Variants in PPP1R12A observed in about 807,000 individuals in gnomAD.
The protein encoded by PPP1R12A is myosin binding subunit.
A neutral mutation model predicts 139.6 loss-of-function variants in PPP1R12A; 19 were observed. That is an observed-to-expected ratio of 0.14 (90% CI 0.09 to 0.20). PPP1R12A has a LOEUF of 0.20. Among genes scored for constraint, PPP1R12A ranks in the 10% least tolerant of loss-of-function variants. The pLI is 1.00. For synonymous variants in PPP1R12A, 427 were observed against 420.6 expected (o/e 1.02, Z -0.19); for missense variants, 925 against 1,211.5 (o/e 0.76, Z 3.51).
intron 8 of PPP1R12A, 79 bp from the exon 9 acceptor site, chr12:79,817,597 C>T: frequency 1.5e-6 from 2 of 1,357,868 alleles, no homozygotes; most frequent in South Asian, 1.4e-5. Context: ...ATTTTATATT[C>T]CATTTTTGTT....
At chr12:79,928,761 T>C (rs1428970877) in intron 1 of PPP1R12A, among the ~76,000 whole-genome samples, 2 of 152,194 alleles carry the variant, frequency 1.3e-5, no homozygotes, top group Non-Finnish European at 2.9e-5. Flanking sequence ...CCAGTCTCTT[T>C]TACACTTCAC....
chr12:79,884,690 T>C lies in PPP1R12A; in HGVS notation c.238-11752A>G, dbSNP rs114733061. ...AGAAGCAGAACGGCTCAAATACACT[T>C]TCAAAATCTTATCTGACATGGTTTA... On this transcript the variant is annotated intron_variant, in intron 1 of 24. Transcript: ENST00000450142. Among the ~76,000 whole-genome samples the C allele has an allele frequency of 5.8e-3, 886 of 152,242 alleles. 9 individuals carry two copies. Among genetic ancestry groups the C allele is most frequent in the African/African-American group, 0.02 (851 of 41,534 alleles).
chr12:79,925,445 A>T (rs906517181), intron 1 of PPP1R12A, among the ~76,000 whole-genome samples: 7 of 152,210 alleles, frequency 4.6e-5, no homozygotes, highest in Admixed American at 2.6e-4. Flanking sequence ...ATGTTAAACT[A>T]AGAAAATAGT....
intron 1 of PPP1R12A, among the ~76,000 whole-genome samples, chr12:79,917,100 C>G (rs546245602): frequency 1.3e-5 from 2 of 152,076 alleles, no homozygotes; most frequent in Admixed American, 1.3e-4. Flanking sequence ...GTTTTTAAAG[C>G]GAGAAAAACT....
intron 6 of PPP1R12A, 46 bp from the exon 7 acceptor site, chr12:79,821,212 A>C: frequency 7.6e-7 from 1 of 1,323,086 alleles, no homozygotes; most frequent in Non-Finnish European, 1.1e-6. Context: ...CTATTAAGAT[A>C]CTATTACTAA....
rs1872624372 is a variant in PPP1R12A at position 79,797,512 on chromosome 12, A to C, written c.2092-117T>G. ...ATTAAAAGTCAAATATGCATGTTTA[A>C]AATTGGTTTGCAAATGGAAACAGCA... On this transcript the variant is annotated intron_variant, in intron 15 of 24. Coordinates refer to ENST00000450142, the MANE Select transcript of PPP1R12A (RefSeq NM_002480.3). The C allele has an allele frequency of 4.8e-6, 5 of 1,036,918 alleles. No homozygotes were observed. The East Asian group carries it at 1.3e-4, about 27-fold the overall frequency. 64.2% of individuals were successfully genotyped at this position (1,036,918 alleles called of 1,614,324 possible).
At chr12:79,821,835 T>G (rs1876150249) in intron 6 of PPP1R12A, among the ~76,000 whole-genome samples, 1 of 152,084 alleles carries the variant, frequency 6.6e-6, no homozygotes, top group African/African-American at 2.4e-5. Flanking sequence ...TTTTATAGAT[T>G]CCATCTTTTA....
chr12:79,935,074 A>C lies in PPP1R12A; in HGVS notation c.-143T>G. On this transcript the variant is annotated 5_prime_UTR_variant, in exon 1 of 25. Coordinates refer to ENST00000450142, the MANE Select transcript of PPP1R12A (RefSeq NM_002480.3). ...TGGGAACCCGGAGCCGACGCTCGAG[A>C]CTTCCAGTATCCCACAGAGCACTGG... is the stretch of plus-strand genomic sequence containing the variant. 1 of 1,406,422 alleles carries C rather than the reference A, an allele frequency of 7.1e-7. No individual in the cohort carries two copies. Among genetic ancestry groups the C allele is most frequent in the Non-Finnish European group, 9.2e-7 (1 of 1,082,676 alleles). 87.1% of individuals were successfully genotyped at this position (1,406,422 alleles called of 1,614,324 possible). A position where few individuals can be genotyped will look rare whatever the true frequency, so the allele number is the denominator to read the frequency against.
intron 2 of PPP1R12A, among the ~76,000 whole-genome samples, chr12:79,871,459 A>G (rs1882558706): frequency 2.0e-5 from 3 of 152,158 alleles, no homozygotes. Flanking sequence ...GTCAAAAGTT[A>G]ATATGTACTA....
chr12:79,912,820 C>A (rs1886690277), intron 1 of PPP1R12A, among the ~76,000 whole-genome samples: 1 of 152,142 alleles, frequency 6.6e-6, no homozygotes, highest in Admixed American at 6.5e-5. Context: ...CAAAAACCTT[C>A]AACAATCTCC....
chr12:79,857,854 G>A lies in PPP1R12A; in HGVS notation c.369-12434C>T, dbSNP rs78844747. Among the ~76,000 whole-genome samples the A allele has an allele frequency of 5.1e-3, 771 of 152,086 alleles. 4 individuals are homozygous for A. The highest frequency in any genetic ancestry group is 0.018 in the African/African-American group (728 of 41,510). On this transcript the variant is annotated intron_variant, in intron 2 of 24. Transcript: ENST00000450142. ...ATGGAAAAAAATCATCAGAATTTAC[G>A]TCTCAAGAATGAGAGTTCAGTTCTG...
At chr12:79,899,422 T>G (rs1474211905) in intron 1 of PPP1R12A, among the ~76,000 whole-genome samples, 2 of 151,138 alleles carry the variant, frequency 1.3e-5, no homozygotes, top group Non-Finnish European at 3.0e-5. Context: ...CTGTTCTGGG[T>G]TTTTTTTTCC....
intron 1 of PPP1R12A, among the ~76,000 whole-genome samples, chr12:79,905,339 G>GCCCCCCCCC (rs57598900): frequency 9.4e-6 from 1 of 106,048 alleles, no homozygotes; most frequent in Admixed American, 1.2e-4. Flanking sequence ...TTGTTTTGCC[G>GCCCCCCCCC]CCCCCCCCCA....
intron 23 of PPP1R12A, among the ~76,000 whole-genome samples, chr12:79,781,062 C>G (rs901448621): frequency 6.6e-6 from 1 of 152,166 alleles, no homozygotes; most frequent in Non-Finnish European, 1.5e-5. Context: ...GGTCGAAACC[C>G]TACCAAGTCT....
chr12:79,807,816 A>T (rs192112201), intron 11 of PPP1R12A, among the ~76,000 whole-genome samples: 34 of 152,094 alleles, frequency 2.2e-4, no homozygotes, highest in Middle Eastern at 3.4e-3. Context: ...AGACAGGTGG[A>T]TCACAAGGTC....
intron 5 of PPP1R12A, among the ~76,000 whole-genome samples, chr12:79,822,502 T>C (rs1876242849): frequency 6.6e-6 from 1 of 152,296 alleles, no homozygotes; most frequent in Middle Eastern, 3.4e-3. Context: ...TGTACAACTA[T>C]CAAAATAATC....
intron 9 of PPP1R12A, 21 bp downstream of exon 9, chr12:79,817,373 G>C: frequency 6.2e-7 from 1 of 1,603,352 alleles, no homozygotes; most frequent in African/African-American, 1.3e-5. Flanking sequence ...TGTATTTTCA[G>C]CAAATACAAT....
chr12:79,906,800 C>T (rs1464593127), intron 1 of PPP1R12A, among the ~76,000 whole-genome samples: 3 of 152,072 alleles, frequency 2.0e-5, no homozygotes, highest in Non-Finnish European at 2.9e-5. Context: ...CCCACCACCA[C>T]GCCCAGCTAA....
chr12:79,782,023 T>A (rs1870513776), intron 22 of PPP1R12A, 161 bp from the exon 23 acceptor site: 5 of 427,806 alleles, frequency 1.2e-5, no homozygotes, highest in Non-Finnish European at 2.1e-5. Context: ...ATTAAAATAA[T>A]AAAGAGTGCA....
Sources: allele counts gnomAD v4.1 joint callset (sites outside exome capture counted in the v4.1 genomes callset), GRCh38; gene constraint gnomAD v4.1.1; transcripts MANE v1.5; gene names NCBI Gene and HGNC (gene_info 2026-07-23, HGNC 2026-07-21).